Variants in NIPA2 observed in about 807,000 individuals in gnomAD.
NIPA2 encodes NIPA magnesium transporter 2, also known as magnesium transporter NIPA2.
NIPA2 carries 11 observed loss-of-function variants against 29.7 expected under a neutral mutation model. The observed-to-expected ratio is 0.37, with a 90% confidence interval of 0.23 to 0.61. NIPA2 has a LOEUF of 0.61. NIPA2 is among the 20% of genes least tolerant of loss of function. The pLI is 0.66. For synonymous variants in NIPA2, 183 were observed against 161.9 expected, an observed-to-expected ratio of 1.13 and a Z score of -0.99; for missense variants, 426 against 437.9, an observed-to-expected ratio of 0.97 and a Z score of 0.24.
chr15:22,840,431 G>A (rs1566808812), intron 2 of NIPA2, among the ~76,000 whole-genome samples: 1 of 151,782 alleles, frequency 6.6e-6, no homozygotes, highest in Non-Finnish European at 1.5e-5. Flanking sequence ...CGGAGTAGCT[G>A]GGGTTACAGG....
intron 3 of NIPA2, among the ~76,000 whole-genome samples, chr15:22,847,875 A>G (rs1321094107): frequency 6.6e-6 from 1 of 151,264 alleles, no homozygotes; most frequent in Non-Finnish European, 1.5e-5. Context: ...TCAACTCACC[A>G]CAACCTCTGC....
At chr15:22,858,178 G>GGT (rs1433050037) in intron 5 of NIPA2, among the ~76,000 whole-genome samples, 3 of 152,140 alleles carry the variant, frequency 2.0e-5, no homozygotes, top group African/African-American at 7.2e-5. Flanking sequence ...CAGATCACGA[G>GGT]GTCAGGAGAT....
At chr15:22,862,547 C>T (rs560708764) in intron 7 of NIPA2, among the ~76,000 whole-genome samples, 67 of 151,990 alleles carry the variant, frequency 4.4e-4, no homozygotes, top group African/African-American at 1.5e-3. Context: ...GTTTTTTCTT[C>T]CAGCCCTTCT....
Position 22,838,734 on chromosome 15 carries a change from C to T in NIPA2, c.-539C>T, listed in dbSNP as rs1595663078. On this transcript the variant is annotated 5_prime_UTR_variant, in exon 1 of 8. Coordinates refer to ENST00000337451, the MANE Select transcript of NIPA2 (RefSeq NM_030922.7). ...CGGAGGTTGTCCTTGGCAGGTTTTC[C>T]TCGGCGCTTCTCCATGGAGGAGGCG... The T allele has an allele frequency of 6.6e-6, 1 of 152,574 alleles. No individual in the cohort carries two copies. The highest frequency in any genetic ancestry group is 2.4e-5 in the African/African-American group (1 of 41,470). The allele number at this position is 152,574 out of a possible 1,614,324, so 9.5% of individuals were successfully genotyped here.
chr15:22,858,372 C>T (rs1233645035), intron 5 of NIPA2, among the ~76,000 whole-genome samples, 168 bp from the exon 6 acceptor site: 5 of 151,996 alleles, frequency 3.3e-5, no homozygotes, highest in Admixed American at 6.5e-5. Flanking sequence ...GCAGCCTGGG[C>T]GACAGAGTGA....
rs1383818941 is a variant in NIPA2, at chr15:22,867,314, ATGAT to A, written c.*470_*473del. On this transcript the variant is annotated 3_prime_UTR_variant, in exon 8 of 8. Transcript: ENST00000337451. Reference sequence around the variant, plus strand: ...AAAAGTGGCTCCTGTTTGTTTGATGATGATTGGTTTTATTTTTGAAATATTTATT... The same window carrying A: ...AAAAGTGGCTCCTGTTTGTTTGATGATGGTTTTATTTTTGAAATATTTATT... 2 of 397,982 alleles carry A rather than the reference ATGAT, an allele frequency of 5.0e-6. No homozygotes were observed. Among genetic ancestry groups the A allele is most frequent in the East Asian group, 3.6e-5 (1 of 27,972 alleles). 24.7% of individuals were successfully genotyped at this position (397,982 alleles called of 1,614,324 possible). A position where few individuals can be genotyped will look rare whatever the true frequency, so the allele number is the denominator to read the frequency against.
chr15:22,844,005 G>T (rs756041934), intron 2 of NIPA2, among the ~76,000 whole-genome samples: 1 of 152,076 alleles, frequency 6.6e-6, no homozygotes, highest in African/African-American at 2.4e-5. Context: ...CCCAGTTGGT[G>T]TAATTTTTAA....
intron 5 of NIPA2, among the ~76,000 whole-genome samples, chr15:22,856,834 C>G (rs2058214163): frequency 1.3e-5 from 2 of 152,140 alleles, no homozygotes; most frequent in East Asian, 1.9e-4. Context: ...TCATACGCTG[C>G]TAAATGAAAA....
At chr15:22,840,196 A>C (rs890642435) in intron 2 of NIPA2, among the ~76,000 whole-genome samples, 5 of 152,192 alleles carry the variant, frequency 3.3e-5, no homozygotes, top group African/African-American at 1.2e-4. Flanking sequence ...CGGGGATTAC[A>C]GGTGTGAGCC....
chr15:22,856,612 G>A (rs749281082), intron 5 of NIPA2, among the ~76,000 whole-genome samples: 2 of 152,102 alleles, frequency 1.3e-5, no homozygotes, highest in African/African-American at 2.4e-5. Flanking sequence ...ATTGTAATAT[G>A]TTTAACCAAT....
In NIPA2 at chr15:22,845,252, G is replaced by A. The variant is rs1173908580; in HGVS notation, c.-109G>A. On this transcript the variant is annotated 5_prime_UTR_variant, in exon 3 of 8. The change abolishes an upstream ATG in the 5' untranslated region. Coordinates refer to ENST00000337451, the MANE Select transcript of NIPA2 (RefSeq NM_030922.7). ...TTCCTTTCAGGACATTCCCTCTGAT[G>A]TCCTATTTTCAAACTGTAAGTCAGA... 1 of 152,034 alleles carries A rather than the reference G, an allele frequency of 6.6e-6. No individual in the cohort carries two copies. The highest frequency in any genetic ancestry group is 2.4e-5 in the African/African-American group (1 of 41,372). 9.4% of individuals were successfully genotyped at this position (152,034 alleles called of 1,614,324 possible). A position where few individuals can be genotyped will look rare whatever the true frequency, so the allele number is the denominator to read the frequency against.
chr15:22,844,077 T>C (rs1054651718), intron 2 of NIPA2, among the ~76,000 whole-genome samples: 1 of 152,202 alleles, frequency 6.6e-6, no homozygotes, highest in Non-Finnish European at 1.5e-5. Context: ...CAGGTCCTAG[T>C]TTAGGTTTTC....
rs1279676467 is a variant in NIPA2, at chr15:22,851,840, C to T, written c.109C>T (p.Arg37Ter). 1 of 1,613,562 alleles carries T rather than the reference C, an allele frequency of 6.2e-7. No homozygotes were observed. Among genetic ancestry groups the T allele is most frequent in the Non-Finnish European group, 8.5e-7 (1 of 1,179,788 alleles). The change falls in exon 4 of 8, where the codon CGA becomes TGA. Residue 37 changes from arginine to a stop codon, truncating the protein, a stop_gained. Coordinates refer to ENST00000337451, the MANE Select transcript of NIPA2 (RefSeq NM_030922.7). LOFTEE classifies it high-confidence loss of function. ...CATTTTGAAAAAAAAGGGCCTCCTTCGACTTGCCAGGAAAGGCTCTATGAG... is the reference window on the plus strand; with the variant it reads ...CATTTTGAAAAAAAAGGGCCTCCTTTGACTTGCCAGGAAAGGCTCTATGAG... ...SFILKKKGLL[R>*]LARKGSMRAG...
At chr15:22,847,402 T>A (rs1899054672) in intron 3 of NIPA2, among the ~76,000 whole-genome samples, 12 of 152,146 alleles carry the variant, frequency 7.9e-5, no homozygotes, top group Admixed American at 7.9e-4. Flanking sequence ...TCCACAGCAG[T>A]AGAACTTGCA....
Position 22,858,479 on chromosome 15 carries a change from C to T in NIPA2, c.197-61C>T, listed in dbSNP as rs2058368156. ...ATATAGATAGTGCATAAAATGCCGG[C>T]ATTTCCAAGTTGAGTACATACATTC... On this transcript the variant is annotated intron_variant, in intron 5 of 7. Transcript: ENST00000337451. The T allele has an allele frequency of 1.4e-5, 14 of 979,884 alleles. No homozygotes were observed. In the South Asian group the frequency reaches 1.9e-4, roughly 13 times the overall value. The allele number at this position is 979,884 out of a possible 1,614,324, so 60.7% of individuals were successfully genotyped here. A position where few individuals can be genotyped will look rare whatever the true frequency, so the allele number is the denominator to read the frequency against.
At chr15:22,862,107 G>A (rs1197074620) in intron 7 of NIPA2, among the ~76,000 whole-genome samples, 1 of 142,918 alleles carries the variant, frequency 7.0e-6, no homozygotes, top group Admixed American at 7.3e-5. Context: ...GAGTGCAATG[G>A]CGTGATCTCG....
intron 3 of NIPA2, among the ~76,000 whole-genome samples, chr15:22,848,915 A>G (rs1271379674): frequency 6.6e-6 from 1 of 151,258 alleles, no homozygotes; most frequent in East Asian, 1.9e-4. Flanking sequence ...TGAGACTACC[A>G]GATAGCTATG....
intron 2 of NIPA2, among the ~76,000 whole-genome samples, chr15:22,841,105 T>G (rs889231056): frequency 6.6e-6 from 1 of 152,196 alleles, no homozygotes; most frequent in African/African-American, 2.4e-5. Flanking sequence ...CTACAGCTAA[T>G]GAAATTGTAT....
chr15:22,853,120 G>A (rs2057897474), intron 4 of NIPA2, 92 bp from the exon 5 acceptor site: 1 of 828,816 alleles, frequency 1.2e-6, no homozygotes, highest in East Asian at 2.5e-5. Flanking sequence ...AGGAGTAACT[G>A]AGATATTTAA....
Sources: gnomAD v4.1 joint callset for allele counts (sites outside exome capture counted in the v4.1 genomes callset) on GRCh38, gnomAD v4.1.1 for gene constraint, MANE v1.5 for transcripts, NCBI Gene and HGNC (gene_info 2026-07-23, HGNC 2026-07-21) for gene names.